The following MINDY4 variants were observed in gnomAD, a reference collection of about 807,000 sequenced individuals.
MINDY4 encodes probable ubiquitin carboxyl-terminal hydrolase MINDY-4.
A neutral mutation model predicts 87.0 loss-of-function variants in MINDY4; 68 were observed. The ratio of observed to expected loss-of-function variants is 0.78; its 90% CI spans 0.64 to 0.96. The LOEUF (loss-of-function observed/expected upper bound fraction) is 0.96, where lower values mean the gene tolerates loss of function less well. Among genes scored for constraint, MINDY4 ranks in the 40% least tolerant of loss-of-function variants. The pLI, the probability that MINDY4 is intolerant of heterozygous loss-of-function variation, is 0.00. For synonymous variants in MINDY4, 379 were observed against 363.2 expected, an observed-to-expected ratio of 1.04 and a Z score of -0.50; for missense variants, 919 against 928.2, an observed-to-expected ratio of 0.99 and a Z score of 0.13.
chr7:30,826,662 T>C (rs532439185), intron 5 of MINDY4, among the ~76,000 whole-genome samples: 1 of 152,306 alleles, frequency 6.6e-6, no homozygotes, highest in East Asian at 1.9e-4. Flanking sequence ...GTAAATGTAG[T>C]TATTGCCCTT....
At chr7:30,855,803 G>T (rs6968874) in intron 12 of MINDY4, among the ~76,000 whole-genome samples, 344 of 152,320 alleles carry the variant, frequency 2.3e-3, no homozygotes, top group African/African-American at 7.6e-3. Flanking sequence ...TCGCCTCCTC[G>T]CCTGGCTTTG....
At chr7:30,830,947 G>A (rs756562102) in intron 6 of MINDY4, among the ~76,000 whole-genome samples, 4 of 152,162 alleles carry the variant, frequency 2.6e-5, no homozygotes, top group Non-Finnish European at 4.4e-5. Flanking sequence ...TGAAGACTGG[G>A]CTGGGCAAGA....
At position 30,852,238 on chromosome 7, in the gene MINDY4, A is replaced by C. The variant is rs772400911; in HGVS notation, c.1570A>C (p.Ser524Arg). 6.2e-7 allele frequency: 1 copy of C among 1,614,206 alleles called. No individual in the cohort carries two copies. The highest frequency in any genetic ancestry group is 8.5e-7 in the Non-Finnish European group (1 of 1,180,030). The change falls in exon 11 of 18, where the codon AGT (serine) becomes CGT (arginine). Residue 524 changes from serine (S) to arginine (R), a missense_variant. Transcript: ENST00000265299. ...VALASRTQQF[S>R]PTGKYKADGV... ...TAGGGCTTCGAGAACACAGCAGTTC[A>C]GTCCAACAGGGAAATACAAAGCAGA...
At chr7:30,854,033 G>T (rs966351401) in intron 12 of MINDY4, among the ~76,000 whole-genome samples, 2 of 152,222 alleles carry the variant, frequency 1.3e-5, no homozygotes, top group African/African-American at 4.8e-5. Flanking sequence ...AGCTGGGCGG[G>T]ACGTGGCCAG....
chr7:30,837,217 G>A (rs1023522488), intron 7 of MINDY4, among the ~76,000 whole-genome samples: 22 of 152,254 alleles, frequency 1.4e-4, no homozygotes, highest in African/African-American at 4.3e-4. Flanking sequence ...AAAGGGCCCC[G>A]TGGTCACAGG....
chr7:30,780,528 A>T (rs965072087), intron 2 of MINDY4: 1 of 152,226 alleles, frequency 6.6e-6, no homozygotes, highest in Non-Finnish European at 1.5e-5. Flanking sequence ...TTATACAATG[A>T]ATCGGAGTGT....
intron 6 of MINDY4, among the ~76,000 whole-genome samples, chr7:30,835,462 A>T (rs1247300839): frequency 6.6e-6 from 1 of 152,216 alleles, no homozygotes; most frequent in Non-Finnish European, 1.5e-5. Flanking sequence ...GGGGACACAG[A>T]GCCAAACCAT....
chr7:30,835,693 G>T (rs1339335640), intron 6 of MINDY4, among the ~76,000 whole-genome samples: 1 of 152,190 alleles, frequency 6.6e-6, no homozygotes, highest in Admixed American at 6.5e-5. Context: ...GCCCACACAG[G>T]CCCACTCTGG....
intron 13 of MINDY4, among the ~76,000 whole-genome samples, chr7:30,868,830 T>C (rs1223876282): frequency 6.6e-6 from 1 of 152,138 alleles, no homozygotes; most frequent in Non-Finnish European, 1.5e-5. Flanking sequence ...GGCTGGGTCA[T>C]CCAAGCATCC....
intron 13 of MINDY4, among the ~76,000 whole-genome samples, chr7:30,862,129 C>T (rs1562558193): frequency 6.6e-6 from 1 of 152,258 alleles, no homozygotes; most frequent in Non-Finnish European, 1.5e-5. Flanking sequence ...CTGGGGGCTC[C>T]TCCAGTGCTC....
chr7:30,783,947 A>G (rs928662949), intron 3 of MINDY4, among the ~76,000 whole-genome samples: 4 of 152,192 alleles, frequency 2.6e-5, no homozygotes, highest in African/African-American at 7.2e-5. Context: ...CTGGAAAACA[A>G]TGACATTAAA....
intron 14 of MINDY4, among the ~76,000 whole-genome samples, chr7:30,873,516 G>A (rs1320562562): frequency 6.6e-6 from 1 of 152,210 alleles, no homozygotes; most frequent in Non-Finnish European, 1.5e-5. Context: ...TAGGGGTCTT[G>A]TTGAAGAGCA....
chr7:30,842,644 C>A (rs1247608411), intron 9 of MINDY4, among the ~76,000 whole-genome samples: 1 of 152,204 alleles, frequency 6.6e-6, no homozygotes, highest in East Asian at 1.9e-4. Flanking sequence ...CAGACAGGAA[C>A]AGGTGGTTAC....
Position 30,816,876 on chromosome 7 carries a change from C to A in MINDY4, c.1074-11803C>A, listed in dbSNP as rs913356817. The stretch of plus-strand genomic sequence containing the variant: ...CACATCCTTAAGAGGAAAGAAAAGA[C>A]AGAGAGAAAAAAATATTCCTTTTAT... On this transcript the variant is annotated intron_variant, in intron 5 of 17. Transcript: ENST00000265299. Among the ~76,000 whole-genome samples the A allele has an allele frequency of 7.2e-5, 11 of 152,274 alleles. No homozygotes were observed. In the East Asian group the frequency reaches 2.1e-3, roughly 29 times the overall value.
chr7:30,790,471 A>G (rs1787288142), intron 4 of MINDY4, among the ~76,000 whole-genome samples: 1 of 102,052 alleles, frequency 9.8e-6, no homozygotes, highest in Non-Finnish European at 2.0e-5. Context: ...TTTTTTTGAG[A>G]TGGTTGTCTT....
chr7:30,826,334 G>A (rs1183318929), intron 5 of MINDY4, among the ~76,000 whole-genome samples: 1 of 152,188 alleles, frequency 6.6e-6, no homozygotes, highest in African/African-American at 2.4e-5. Context: ...CAGTGAGGTA[G>A]GCCTGCCAGA....
At chr7:30,824,774 A>AC (rs753087784) in intron 5 of MINDY4, among the ~76,000 whole-genome samples, 54 of 152,268 alleles carry the variant, frequency 3.5e-4, no homozygotes, top group Non-Finnish European at 6.8e-4. Context: ...GGGTCTTGAT[A>AC]TGTTGCCCAG....
intron 5 of MINDY4, among the ~76,000 whole-genome samples, chr7:30,823,983 T>C (rs1469288965): frequency 6.6e-6 from 1 of 152,246 alleles, no homozygotes; most frequent in Non-Finnish European, 1.5e-5. Context: ...TCTAGATTCT[T>C]GTGCCATATA....
At chr7:30,887,396 A>G (rs955510409) in intron 17 of MINDY4, among the ~76,000 whole-genome samples, 9 of 152,170 alleles carry the variant, frequency 5.9e-5, no homozygotes, top group African/African-American at 2.2e-4. Flanking sequence ...CCTGGGGTCT[A>G]AGGATCCCTC....
Sources: gnomAD v4.1 joint callset for allele counts (sites outside exome capture counted in the v4.1 genomes callset) on GRCh38, gnomAD v4.1.1 for gene constraint, MANE v1.5 for transcripts, NCBI Gene and HGNC (gene_info 2026-07-23, HGNC 2026-07-21) for gene names.